The following CDH4 variants were observed in gnomAD, a reference collection of about 807,000 sequenced individuals.
CDH4 encodes the protein cadherin-4.
Under a neutral mutation model 86.0 loss-of-function variants are expected in CDH4, and 33 were observed. That is an observed-to-expected ratio of 0.38 (90% confidence interval 0.29 to 0.51). CDH4 has a LOEUF of 0.51. Among genes scored for constraint, CDH4 ranks in the 20% least tolerant of loss-of-function variants. The probability of loss-of-function intolerance (pLI) is 0.86; values close to 1 mark genes in which losing one functional copy is unlikely to be tolerated. For missense variants in CDH4, 1,114 were observed against 1,307.4 expected, an observed-to-expected ratio of 0.85 and a Z score of 2.28; for synonymous variants, 555 against 549.4, an observed-to-expected ratio of 1.01 and a Z score of -0.14.
At chr20:61,454,737 G>T (rs566593831) in intron 2 of CDH4, among the ~76,000 whole-genome samples, 1 of 152,130 alleles carries the variant, frequency 6.6e-6, no homozygotes, top group Non-Finnish European at 1.5e-5. Flanking sequence ...GAGCCACCGC[G>T]CCCTGCTGGG....
At chr20:61,854,536 T>G (rs1982896462) in intron 6 of CDH4, among the ~76,000 whole-genome samples, 2 of 145,076 alleles carry the variant, frequency 1.4e-5, no homozygotes, top group Non-Finnish European at 3.0e-5. Context: ...GTGAACAGGG[T>G]GAATTGTGCC....
At chr20:61,307,707 T>C (rs887681149) in intron 2 of CDH4, among the ~76,000 whole-genome samples, 2 of 152,294 alleles carry the variant, frequency 1.3e-5, no homozygotes, top group African/African-American at 4.8e-5. Context: ...TTTGTTTTCT[T>C]TCCTGGGTGG....
In CDH4 at chr20:61,518,114, G is replaced by A. The variant is rs12624926; in HGVS notation, c.170-225449G>A. On this transcript the variant is annotated intron_variant, in intron 2 of 15. Transcript: ENST00000614565. This position sits in a 1 kb window ranked among gnomAD's most constrained non-coding sequence, Gnocchi z 6.3. ...TAAAGAATTTGCAAGAAATCATGAC[G>A]CTACTGCAAGGGTTTAGTGCTCATT... is the stretch of plus-strand genomic sequence containing the variant. Among the ~76,000 whole-genome samples the A allele has an allele frequency of 3.8e-4, 58 of 152,304 alleles. 1 individual carries two copies. The East Asian group carries it at 7.7e-3, about 20-fold the overall frequency.
At chr20:61,486,543 T>C (rs1212628410) in intron 2 of CDH4, among the ~76,000 whole-genome samples, 1 of 152,186 alleles carries the variant, frequency 6.6e-6, no homozygotes, top group Non-Finnish European at 1.5e-5. Context: ...TTAACCATCG[T>C]TGGAAATAAA....
intron 2 of CDH4, among the ~76,000 whole-genome samples, chr20:61,268,415 G>A (rs540600023): frequency 1.3e-5 from 2 of 152,386 alleles, no homozygotes; most frequent in South Asian, 4.1e-4. Flanking sequence ...ACAGGTCAGT[G>A]GGCTGAATTG....
rs573039306 is a variant in CDH4 at position 61,669,499 on chromosome 20, T to G, written c.170-74064T>G. ...TTCAGCAGGAGTGGAGGCTGTCGAT[T>G]TAATTGGAACTTAGGTGGCCTATGC... On this transcript the variant is annotated intron_variant, in intron 2 of 15. Transcript: ENST00000614565. Among the ~76,000 whole-genome samples the G allele has an allele frequency of 7.2e-5, 11 of 152,298 alleles. No individual in the cohort carries two copies. The South Asian group carries it at 2.1e-3, about 29-fold the overall frequency.
intron 7 of CDH4, among the ~76,000 whole-genome samples, chr20:61,890,612 T>C (rs1313073795): frequency 1.3e-5 from 2 of 151,870 alleles, no homozygotes; most frequent in Non-Finnish European, 2.9e-5. Flanking sequence ...GATGGATGGA[T>C]GGGTAAGGGG....
At chr20:61,825,496 C>T (rs566038258) in intron 4 of CDH4, among the ~76,000 whole-genome samples, 1 of 152,336 alleles carries the variant, frequency 6.6e-6, no homozygotes, top group South Asian at 2.1e-4. Flanking sequence ...AAGAATGTTA[C>T]TGAGCCCTGA....
At position 61,636,533 on chromosome 20, in the gene CDH4, G is replaced by A. The variant is rs146661461; in HGVS notation, c.170-107030G>A. ...CTGTTCCCGTCGCAGGGCTGTCCCCGGCAGCCTTGCTGCCTTTTACTTGTC... is the reference window on the plus strand; with the variant it reads ...CTGTTCCCGTCGCAGGGCTGTCCCCAGCAGCCTTGCTGCCTTTTACTTGTC... On this transcript the variant is annotated intron_variant, in intron 2 of 15. Transcript: ENST00000614565. Among the ~76,000 whole-genome samples the A allele has an allele frequency of 5.8e-3, 882 of 152,308 alleles. 7 individuals carry two copies. Among genetic ancestry groups the A allele is most frequent in the African/African-American group, 0.02 (840 of 41,566 alleles).
At chr20:61,378,288 C>A (rs2084882944) in intron 2 of CDH4, among the ~76,000 whole-genome samples, 1 of 152,180 alleles carries the variant, frequency 6.6e-6, no homozygotes, top group African/African-American at 2.4e-5. Flanking sequence ...ATATAGTTTT[C>A]TTCCCTTTAA....
chr20:61,312,125 G>T (rs28377577), intron 2 of CDH4, among the ~76,000 whole-genome samples: 115,468 of 144,696 alleles, frequency 0.8, 44,445 homozygotes, highest in Non-Finnish European at 0.85. Flanking sequence ...TGTGCATGTG[G>T]GTGGTGTGTG....
At chr20:61,696,125 A>G (rs949378256) in intron 2 of CDH4, among the ~76,000 whole-genome samples, 3 of 152,228 alleles carry the variant, frequency 2.0e-5, no homozygotes, top group African/African-American at 7.2e-5. Flanking sequence ...CTAAAGAGGA[A>G]GGGGCCATGT....
chr20:61,415,446 C>T (rs1188272355), intron 2 of CDH4, among the ~76,000 whole-genome samples: 1 of 152,196 alleles, frequency 6.6e-6, no homozygotes, highest in Non-Finnish European at 1.5e-5. Context: ...TTCACAGAGT[C>T]ATGGAAACCA....
At chr20:61,728,815 A>T (rs769575526) in intron 2 of CDH4, among the ~76,000 whole-genome samples, 6 of 152,216 alleles carry the variant, frequency 3.9e-5, no homozygotes, top group Non-Finnish European at 7.3e-5. Flanking sequence ...TAAGAGTTCT[A>T]AAAATAACTC....
intron 2 of CDH4, among the ~76,000 whole-genome samples, chr20:61,326,987 G>A (rs2084540243): frequency 6.6e-6 from 1 of 152,018 alleles, no homozygotes; most frequent in Admixed American, 6.6e-5. Flanking sequence ...ATTTTTACTG[G>A]CTAGAAGTTT....
intron 2 of CDH4, among the ~76,000 whole-genome samples, chr20:61,546,290 G>C (rs758381951): frequency 5.9e-4 from 86 of 144,884 alleles, no homozygotes; most frequent in South Asian, 2.0e-3. Flanking sequence ...GTGTGCGCTC[G>C]AGTGTGCATG....
intron 2 of CDH4, among the ~76,000 whole-genome samples, chr20:61,700,740 C>T (rs2087766355): frequency 6.6e-6 from 1 of 152,202 alleles, no homozygotes; most frequent in African/African-American, 2.4e-5. Context: ...TGTCTGTCTT[C>T]ATGGGTGTCT....
intron 8 of CDH4, among the ~76,000 whole-genome samples, chr20:61,899,024 C>T (rs944138164): frequency 2.6e-5 from 4 of 152,290 alleles, no homozygotes; most frequent in African/African-American, 7.2e-5. Context: ...GGGCCGGGCG[C>T]AGTGGCCCAA....
intron 8 of CDH4, among the ~76,000 whole-genome samples, chr20:61,896,861 G>A (rs573190100): frequency 7.9e-5 from 12 of 152,290 alleles, no homozygotes; most frequent in African/African-American, 1.4e-4. Flanking sequence ...ACAGCTGGCC[G>A]GACAGCCCCA....
Sources: gnomAD v4.1 joint callset for allele counts (sites outside exome capture counted in the v4.1 genomes callset) on GRCh38, gnomAD v4.1.1 for gene constraint, Gnocchi (gnomAD v3.1) non-coding constraint, MANE v1.5 for transcripts, NCBI Gene and HGNC (gene_info 2026-07-23, HGNC 2026-07-21) for gene names.